MAPK8: variants seen among roughly 807,000 people sequenced by gnomAD.
MAPK8 encodes the protein JUN N-terminal kinase.
Under a neutral mutation model 52.9 loss-of-function variants are expected in MAPK8, and 13 were observed. The observed-to-expected ratio is 0.25, with a 90% CI of 0.16 to 0.39. MAPK8 has a LOEUF of 0.39. Among genes scored for constraint, MAPK8 ranks in the 10% least tolerant of loss-of-function variants. MAPK8 has a pLI of 1.00. For synonymous variants in MAPK8, 191 were observed against 169.8 expected, an observed-to-expected ratio of 1.12 and a Z score of -0.97; for missense variants, 300 against 519.2, an observed-to-expected ratio of 0.58 and a Z score of 4.10.
chr10:48,322,012 TC>T (rs1164830467), intron 1 of MAPK8, among the ~76,000 whole-genome samples: 1 of 152,222 alleles, frequency 6.6e-6, no homozygotes, highest in Non-Finnish European at 1.5e-5. Flanking sequence ...CTATGGTGTC[TC>T]CCCATTAGTT....
intron 1 of MAPK8, among the ~76,000 whole-genome samples, chr10:48,360,381 T>TA (rs1292780855): frequency 3.3e-5 from 5 of 152,228 alleles, no homozygotes; most frequent in Non-Finnish European, 4.4e-5. Flanking sequence ...TTGGTTTTTT[T>TA]ATCACCTAAA....
chr10:48,420,319 C>T lies in MAPK8; in HGVS notation c.615C>T (p.Asn205=), dbSNP rs1037196002. ...EVILGMGYKE[N]VDLWSVGCIM... is the part of the protein sequence containing the mutation. ...TCCTTGGCATGGGCTACAAGGAAAA[C>T]GGTCAGCACACACATTTATTTGAAA... The change falls in exon 6 of 12, where the codon AAC becomes AAT. Residue 205 remains asparagine (N), a splice_region_variant and synonymous_variant. Coordinates refer to ENST00000374189, the MANE Select transcript of MAPK8 (RefSeq NM_001323329.2). 8.1e-6 allele frequency: 13 copies of T among 1,595,134 alleles called. No homozygotes were observed. The highest frequency in any genetic ancestry group is 2.3e-5 in the South Asian group (2 of 88,806).
intron 1 of MAPK8, among the ~76,000 whole-genome samples, chr10:48,397,454 C>G (rs1355660221): frequency 6.6e-6 from 1 of 152,030 alleles, no homozygotes; most frequent in Admixed American, 6.6e-5. Flanking sequence ...CTACTACTAA[C>G]CTATAACTTT....
chr10:48,318,219 TATTA>T (rs1842684879), intron 1 of MAPK8, among the ~76,000 whole-genome samples: 1 of 152,216 alleles, frequency 6.6e-6, no homozygotes, highest in Non-Finnish European at 1.5e-5. Flanking sequence ...TTGTTTTTGC[TATTA>T]AAGCCTTACC....
In MAPK8 at chr10:48,427,153, T is replaced by C. The variant is rs1240162304; in HGVS notation, c.1060+10T>C. The C allele has an allele frequency of 1.2e-6, 2 of 1,604,928 alleles. No individual in the cohort carries two copies. Among genetic ancestry groups the C allele is most frequent in the African/African-American group, 2.7e-5 (2 of 74,718 alleles). On this transcript the variant is annotated intron_variant, in intron 10 of 11. Coordinates refer to ENST00000374189, the MANE Select transcript of MAPK8 (RefSeq NM_001323329.2). ...ATAGAAGAGTGGAAAGGTACATTCGTCAGATTCTTAGAGGGAAAACTGTGA... is the reference window on the plus strand; with the variant it reads ...ATAGAAGAGTGGAAAGGTACATTCGCCAGATTCTTAGAGGGAAAACTGTGA...
intron 2 of MAPK8, among the ~76,000 whole-genome samples, chr10:48,402,743 TA>T (rs1312600199): frequency 6.6e-6 from 1 of 152,170 alleles, no homozygotes. Context: ...TCCTAGGTTC[TA>T]AAAAAACTGT....
Position 48,417,332 on chromosome 10 carries a change from C to T in MAPK8, c.451-2823C>T, listed in dbSNP as rs1398559803. On this transcript the variant is annotated intron_variant, in intron 5 of 11. Coordinates refer to ENST00000374189, the MANE Select transcript of MAPK8 (RefSeq NM_001323329.2). ...TCTTGGACTTAATTGAGGCTGTCTTCAGTCTTCCTGTAAGCTTTCAAGCTT... is the reference window on the plus strand; with the variant it reads ...TCTTGGACTTAATTGAGGCTGTCTTTAGTCTTCCTGTAAGCTTTCAAGCTT... Among the ~76,000 whole-genome samples the T allele has an allele frequency of 2.0e-5, 3 of 152,192 alleles. No homozygotes were observed. The East Asian group carries it at 5.8e-4, about 29-fold the overall frequency.
intron 6 of MAPK8, among the ~76,000 whole-genome samples, chr10:48,420,638 C>T (rs2043301241): frequency 6.6e-6 from 1 of 152,100 alleles, no homozygotes; most frequent in Non-Finnish European, 1.5e-5. Flanking sequence ...AACATGGTCT[C>T]AGGGATGTAT....
chr10:48,417,530 G>T (rs1006088530), intron 5 of MAPK8, among the ~76,000 whole-genome samples: 1 of 152,182 alleles, frequency 6.6e-6, no homozygotes, highest in Non-Finnish European at 1.5e-5. Flanking sequence ...GTGTGACACT[G>T]CTCCAAACTG....
intron 1 of MAPK8, among the ~76,000 whole-genome samples, chr10:48,369,181 A>C (rs1191501904): frequency 1.3e-5 from 2 of 152,188 alleles, no homozygotes; most frequent in African/African-American, 4.8e-5. Context: ...GGGGAAGGGA[A>C]CTAAAGGAAG....
intron 1 of MAPK8, among the ~76,000 whole-genome samples, chr10:48,307,744 G>A (rs1841544881): frequency 6.6e-6 from 1 of 152,158 alleles, no homozygotes. Flanking sequence ...TGGTCCGTCA[G>A]TCCATTGTGT....
Position 48,428,537 on chromosome 10 carries a change from T to G in MAPK8, c.1060+1394T>G, listed in dbSNP as rs1018892180. Among the ~76,000 whole-genome samples the G allele has an allele frequency of 5.3e-5, 8 of 152,254 alleles. No homozygotes were observed. In the East Asian group the frequency reaches 1.5e-3, roughly 29 times the overall value. ...AAATGTATTTTGCTAAGCATGAATT[T>G]GATTCTTTCTTAGAAATTGAAGAGA... On this transcript the variant is annotated intron_variant, in intron 10 of 11. Transcript: ENST00000374189.
chr10:48,391,813 TGGGTTAGA>T (rs1213032434), intron 1 of MAPK8, among the ~76,000 whole-genome samples: 1 of 152,152 alleles, frequency 6.6e-6, no homozygotes, highest in Non-Finnish European at 1.5e-5. Flanking sequence ...CCCCTCTCTT[TGGGTTAGA>T]TTAATTTGCT....
At position 48,409,280 on chromosome 10, in the gene MAPK8, T is replaced by C. The variant is rs73309914; in HGVS notation, c.253-599T>C. On this transcript the variant is annotated intron_variant, in intron 3 of 11. Coordinates refer to ENST00000374189, the MANE Select transcript of MAPK8 (RefSeq NM_001323329.2). ...ATGGTGCATATACTGAAAAAGGAGT[T>C]AAAAATCACCCTGAGCCTTCTTTTG... is the stretch of plus-strand genomic sequence containing the variant. 4.1e-3 allele frequency among the ~76,000 whole-genome samples: 629 copies of C among 152,292 alleles called. 6 individuals are homozygous for C. The highest frequency in any genetic ancestry group is 0.017 in the East Asian group (88 of 5,178).
At chr10:48,346,403 T>A (rs1845783641) in intron 1 of MAPK8, among the ~76,000 whole-genome samples, 2 of 152,198 alleles carry the variant, frequency 1.3e-5, no homozygotes, top group South Asian at 4.1e-4. Flanking sequence ...AAGCCTTCTG[T>A]TATGCCCGGA....
At chr10:48,313,065 A>T (rs1842126591) in intron 1 of MAPK8, among the ~76,000 whole-genome samples, 1 of 152,238 alleles carries the variant, frequency 6.6e-6, no homozygotes, top group Admixed American at 6.5e-5. Flanking sequence ...AATGTAGCAC[A>T]TCTACCGTGT....
At chr10:48,371,194 ATAACT>A (rs1301268278) in intron 1 of MAPK8, among the ~76,000 whole-genome samples, 4 of 152,180 alleles carry the variant, frequency 2.6e-5, no homozygotes, top group African/African-American at 4.8e-5. Context: ...TATTTTTAAA[ATAACT>A]TTAATTTGCT....
intron 1 of MAPK8, among the ~76,000 whole-genome samples, chr10:48,382,472 A>G (rs1229674944): frequency 1.3e-5 from 2 of 152,186 alleles, no homozygotes; most frequent in Non-Finnish European, 2.9e-5. Context: ...TGAAGATTTC[A>G]TAGCTTTGAT....
chr10:48,331,003 G>A (rs1289161572), intron 1 of MAPK8, among the ~76,000 whole-genome samples: 1 of 152,188 alleles, frequency 6.6e-6, no homozygotes, highest in Admixed American at 6.5e-5. Flanking sequence ...GTATAGGATT[G>A]CATTCTAAAT....
Sources: gnomAD v4.1 joint callset for allele counts (sites outside exome capture counted in the v4.1 genomes callset) on GRCh38, gnomAD v4.1.1 for gene constraint, MANE v1.5 for transcripts, NCBI Gene and HGNC (gene_info 2026-07-23, HGNC 2026-07-21) for gene names.